Variants in LRMDA observed in about 807,000 individuals in gnomAD.
LRMDA encodes the protein leucine rich melanocyte differentiation associated.
Under a neutral mutation model 29.8 loss-of-function variants are expected in LRMDA, and 18 were observed. That is an observed-to-expected ratio of 0.60 (90% CI 0.42 to 0.90). LRMDA has a LOEUF of 0.90. Ranked by LOEUF, LRMDA falls within the 40% of genes least tolerant of loss-of-function variation. The pLI is 0.00. For synonymous variants in LRMDA, 125 were observed against 109.4 expected, an observed-to-expected ratio of 1.14 and a Z score of -0.89; for missense variants, 273 against 273.9, an observed-to-expected ratio of 1.00 and a Z score of 0.02.
At chr10:75,987,664 CAG>C (rs1417808811) in intron 2 of LRMDA, among the ~76,000 whole-genome samples, 9 of 152,142 alleles carry the variant, frequency 5.9e-5, no homozygotes, top group Non-Finnish European at 1.3e-4. Context: ...GAAGTCTTTC[CAG>C]ATGGCTCTGT....
chr10:76,527,136 A>G (rs936946186), intron 6 of LRMDA, among the ~76,000 whole-genome samples: 1 of 150,530 alleles, frequency 6.6e-6, no homozygotes, highest in Non-Finnish European at 1.5e-5. Flanking sequence ...CTCTAATGCC[A>G]TGTTTCTTTG....
At chr10:76,147,137 T>C (rs1290609105) in intron 5 of LRMDA, among the ~76,000 whole-genome samples, 1 of 152,196 alleles carries the variant, frequency 6.6e-6, no homozygotes, top group Non-Finnish European at 1.5e-5. Context: ...TCATTTCAAC[T>C]TTGGTGAATC....
At position 76,182,627 on chromosome 10, in the gene LRMDA, G is replaced by C. The variant is rs543946428; in HGVS notation, c.516+123844G>C. On this transcript the variant is annotated intron_variant, in intron 5 of 6. Coordinates refer to ENST00000611255, the MANE Select transcript of LRMDA (RefSeq NM_001305581.2). Reference sequence around the variant, plus strand: ...GTTCTCTTATCTCTCAGATTTTATAGTGTTAAGTTAGCACACTGTAGACAG... The same window carrying C: ...GTTCTCTTATCTCTCAGATTTTATACTGTTAAGTTAGCACACTGTAGACAG... Among the ~76,000 whole-genome samples, 3 of 152,240 alleles carry C rather than the reference G, an allele frequency of 2.0e-5. No homozygotes were observed. In the East Asian group the frequency reaches 5.8e-4, roughly 30 times the overall value.
intron 5 of LRMDA, among the ~76,000 whole-genome samples, chr10:76,092,266 A>T (rs1849243357): frequency 6.6e-6 from 1 of 152,162 alleles, no homozygotes; most frequent in Non-Finnish European, 1.5e-5. Flanking sequence ...AAGAACTGGT[A>T]ATACTGAAAT....
intron 6 of LRMDA, among the ~76,000 whole-genome samples, chr10:76,525,012 A>G (rs983607972): frequency 9.2e-5 from 14 of 152,246 alleles, no homozygotes; most frequent in East Asian, 1.9e-4. Flanking sequence ...TCTGCAACCA[A>G]TTGTCTCAGG....
At chr10:76,225,747 T>C (rs1302584609) in intron 5 of LRMDA, among the ~76,000 whole-genome samples, 6 of 150,370 alleles carry the variant, frequency 4.0e-5, no homozygotes, top group Non-Finnish European at 5.9e-5. Context: ...TTTATTATAT[T>C]TTAAGTTCTA....
intron 6 of LRMDA, among the ~76,000 whole-genome samples, chr10:76,549,104 C>T (rs1843456841): frequency 6.6e-6 from 1 of 152,164 alleles, no homozygotes; most frequent in South Asian, 2.1e-4. Context: ...TCCTTCCCCA[C>T]CTCCCCTTCT....
chr10:75,964,160 C>T (rs1346293018), intron 2 of LRMDA, among the ~76,000 whole-genome samples: 2 of 152,148 alleles, frequency 1.3e-5, no homozygotes, highest in Non-Finnish European at 2.9e-5. Flanking sequence ...CAAATAAACT[C>T]AACCCAGAAA....
At chr10:75,575,074 T>C (rs1041458619) in intron 2 of LRMDA, among the ~76,000 whole-genome samples, 1 of 152,098 alleles carries the variant, frequency 6.6e-6, no homozygotes, top group Non-Finnish European at 1.5e-5. Context: ...AAGGGAGAGT[T>C]GCCACACACT....
intron 5 of LRMDA, among the ~76,000 whole-genome samples, chr10:76,164,384 G>A (rs565962414): frequency 2.6e-5 from 4 of 152,292 alleles, no homozygotes; most frequent in African/African-American, 4.8e-5. Flanking sequence ...GAGTAGTCTC[G>A]AGAAAGACAG....
At chr10:76,485,898 C>T (rs1012171287) in intron 6 of LRMDA, among the ~76,000 whole-genome samples, 1 of 151,760 alleles carries the variant, frequency 6.6e-6, no homozygotes, top group Non-Finnish European at 1.5e-5. Flanking sequence ...TGCTATAGCT[C>T]CCAGGCTAGG....
In LRMDA at chr10:75,744,287, C is replaced by T. The variant is rs60210705; in HGVS notation, c.132-291721C>T. Among the ~76,000 whole-genome samples the T allele has an allele frequency of 2.9e-3, 449 of 152,262 alleles. 22 individuals carry two copies. In the East Asian group the frequency reaches 0.075, roughly 25 times the overall value. On this transcript the variant is annotated intron_variant, in intron 2 of 6. Coordinates refer to ENST00000611255, the MANE Select transcript of LRMDA (RefSeq NM_001305581.2). Reference sequence around the variant, plus strand: ...TTACATTAGGGCCTTAATAAGATCACATCTGTTCATATATCCTCCTTAACC... The same window carrying T: ...TTACATTAGGGCCTTAATAAGATCATATCTGTTCATATATCCTCCTTAACC...
intron 6 of LRMDA, among the ~76,000 whole-genome samples, chr10:76,420,762 T>C (rs918557949): frequency 6.6e-6 from 1 of 152,166 alleles, no homozygotes; most frequent in African/African-American, 2.4e-5. Flanking sequence ...ATTTCTATGC[T>C]GATTTTTTTG....
At chr10:76,304,849 A>G (rs1840531474) in intron 5 of LRMDA, among the ~76,000 whole-genome samples, 2 of 152,172 alleles carry the variant, frequency 1.3e-5, no homozygotes, top group Non-Finnish European at 2.9e-5. Context: ...GATGGGGCAC[A>G]GTGCCCTGCG....
At chr10:75,832,208 A>G (rs1349165925) in intron 2 of LRMDA, among the ~76,000 whole-genome samples, 1 of 152,174 alleles carries the variant, frequency 6.6e-6, no homozygotes, top group Non-Finnish European at 1.5e-5. Context: ...AATGCCTTTA[A>G]CAGCACCCAA....
chr10:76,264,450 A>C (rs997384452), intron 5 of LRMDA, among the ~76,000 whole-genome samples: 1 of 130,164 alleles, frequency 7.7e-6, no homozygotes, highest in Non-Finnish European at 1.6e-5. Context: ...AAAAAAAAAA[A>C]AAAAAAACAC....
chr10:75,432,677 A>G lies in LRMDA; in HGVS notation c.30+923A>G, dbSNP rs529845629. Among the ~76,000 whole-genome samples the G allele has an allele frequency of 2.0e-5, 3 of 152,310 alleles. No homozygotes were observed. The South Asian group carries it at 6.2e-4, about 32-fold the overall frequency. On this transcript the variant is annotated intron_variant, in intron 1 of 6. Transcript: ENST00000611255. ...TTGCCTAAGGCAGGTAGTGTCAGGC[A>G]CAATTGGATTTTGAGATTACTTTGG... is the stretch of plus-strand genomic sequence containing the variant.
At chr10:76,265,650 C>G (rs1839998312) in intron 5 of LRMDA, among the ~76,000 whole-genome samples, 1 of 152,120 alleles carries the variant, frequency 6.6e-6, no homozygotes, top group South Asian at 2.1e-4. Flanking sequence ...CACAGAAGAC[C>G]CATCAGGCCC....
chr10:75,858,886 A>G (rs868667859), intron 2 of LRMDA, among the ~76,000 whole-genome samples: 5 of 152,226 alleles, frequency 3.3e-5, no homozygotes, highest in Admixed American at 1.3e-4. Flanking sequence ...GGAATTTGCT[A>G]CATTGACTTC....
Sources: gnomAD v4.1 joint callset for allele counts (sites outside exome capture counted in the v4.1 genomes callset) on GRCh38, gnomAD v4.1.1 for gene constraint, MANE v1.5 for transcripts, NCBI Gene and HGNC (gene_info 2026-07-23, HGNC 2026-07-21) for gene names.